The following MPHOSPH9 variants were observed in gnomAD, a reference collection of about 807,000 sequenced individuals.
MPHOSPH9 encodes the protein M-phase phosphoprotein 9.
MPHOSPH9 carries 88 observed loss-of-function variants against 145.5 expected under a neutral mutation model. The observed-to-expected ratio is 0.60, with a 90% CI of 0.51 to 0.72. The LOEUF (loss-of-function observed/expected upper bound fraction) is 0.72. MPHOSPH9 is among the 30% of genes least tolerant of loss of function. The pLI is 0.00. For missense variants in MPHOSPH9, 1,238 were observed against 1,386.6 expected (o/e 0.89, Z 1.70); for synonymous variants, 435 against 486.2 (o/e 0.89, Z 1.39).
chr12:123,176,114 T>C (rs2044851474), intron 16 of MPHOSPH9, among the ~76,000 whole-genome samples: 1 of 152,106 alleles, frequency 6.6e-6, no homozygotes, highest in South Asian at 2.1e-4. Flanking sequence ...AATGTCATTA[T>C]AAAGTTATTA....
At chr12:123,227,676 C>A in intron 2 of MPHOSPH9, 60 bp from the exon 3 acceptor site, 1 of 1,383,052 alleles carries the variant, frequency 7.2e-7, no homozygotes, top group South Asian at 1.6e-5. Context: ...TTGAATAATT[C>A]AGCAGTTCAA....
chr12:123,208,261 C>T (rs565721964), intron 8 of MPHOSPH9, among the ~76,000 whole-genome samples: 1 of 151,056 alleles, frequency 6.6e-6, no homozygotes, highest in Non-Finnish European at 1.5e-5. Context: ...GCAAATTGGC[C>T]GGGCGCAGTG....
intron 8 of MPHOSPH9, among the ~76,000 whole-genome samples, chr12:123,207,433 G>A (rs1356459323): frequency 1.3e-5 from 2 of 152,084 alleles, no homozygotes; most frequent in Non-Finnish European, 2.9e-5. Flanking sequence ...CCGTCACTGA[G>A]ACTCTGATGC....
At position 123,181,236 on chromosome 12, in the gene MPHOSPH9, A is replaced by T. The variant is rs780360912; in HGVS notation, c.2242-26T>A. 5.7e-6 allele frequency: 9 copies of T among 1,592,014 alleles called. No individual in the cohort carries two copies. The East Asian group carries it at 1.8e-4, about 32-fold the overall frequency. The stretch of plus-strand genomic sequence containing the variant: ...CTACAAGGAAAAACAAAAAAAAATT[A>T]TACCACAAAATTAAACGTTATTCTA... On this transcript the variant is annotated intron_variant, in intron 13 of 23. Transcript: ENST00000606320.
chr12:123,219,337 G>A (rs997776952), intron 5 of MPHOSPH9, among the ~76,000 whole-genome samples: 21 of 151,826 alleles, frequency 1.4e-4, no homozygotes, highest in African/African-American at 1.7e-4. Flanking sequence ...AGTGGCTCAC[G>A]CCTGTAATCC....
intron 8 of MPHOSPH9, among the ~76,000 whole-genome samples, chr12:123,203,641 A>T (rs2046309456): frequency 6.6e-6 from 1 of 152,128 alleles, no homozygotes; most frequent in South Asian, 2.1e-4. Context: ...ATACTTCCAA[A>T]TAATGAAATT....
rs1565900808 is a variant in MPHOSPH9, at chr12:123,166,477, A to T, written c.2591+178T>A. On this transcript the variant is annotated intron_variant, in intron 17 of 23. Coordinates refer to ENST00000606320, the MANE Select transcript of MPHOSPH9 (RefSeq NM_022782.4). ...GAGCACAGGTGGGGAAGCTTGGCAG[A>T]GCTCATGGAAGTAAAATATTCTAAA... 5.5e-6 allele frequency: 4 copies of T among 728,066 alleles called. No individual in the cohort carries two copies. In the East Asian group the frequency reaches 1.0e-4, roughly 19 times the overall value. 45.1% of individuals were successfully genotyped at this position (728,066 alleles called of 1,614,324 possible).
chr12:123,209,902 A>C (rs1288743950), intron 8 of MPHOSPH9, among the ~76,000 whole-genome samples, 154 bp downstream of exon 8: 2 of 151,758 alleles, frequency 1.3e-5, no homozygotes, highest in Non-Finnish European at 2.9e-5. Flanking sequence ...ACGCCCAGCT[A>C]ATTTTTTGTA....
intron 21 of MPHOSPH9, among the ~76,000 whole-genome samples, 163 bp downstream of exon 21, chr12:123,161,952 T>C (rs2044127986): frequency 1.3e-5 from 2 of 152,164 alleles, no homozygotes; most frequent in South Asian, 2.1e-4. Flanking sequence ...GATAACAACA[T>C]TGACATAACA....
At chr12:123,235,143 TCC>T (rs917139424), upstream of MPHOSPH9, among the ~76,000 whole-genome samples, 3 of 152,198 alleles carry the variant, frequency 2.0e-5, no homozygotes, top group African/African-American at 7.2e-5. Flanking sequence ...TCTGACATGC[TCC>T]CATTTAGTGA....
chr12:123,165,272 T>G, intron 18 of MPHOSPH9, 30 bp downstream of exon 18: 2 of 1,550,576 alleles, frequency 1.3e-6, no homozygotes, highest in Non-Finnish European at 1.8e-6. Flanking sequence ...GATATCTATA[T>G]CCATCTATCT....
chr12:123,187,151 C>T (rs1057429157), intron 13 of MPHOSPH9, among the ~76,000 whole-genome samples: 11 of 151,956 alleles, frequency 7.2e-5, no homozygotes, highest in African/African-American at 2.7e-4. Flanking sequence ...ATCCCAGCTA[C>T]TTGGTAGGCT....
intron 16 of MPHOSPH9, among the ~76,000 whole-genome samples, chr12:123,175,077 AT>A (rs1161759216): frequency 6.6e-6 from 1 of 152,140 alleles, no homozygotes; most frequent in Non-Finnish European, 1.5e-5. Context: ...AGGTACATTA[AT>A]AAAAATTAGA....
intron 2 of MPHOSPH9, among the ~76,000 whole-genome samples, chr12:123,229,751 A>C (rs1727333): frequency 6.6e-6 from 1 of 152,182 alleles, no homozygotes; most frequent in Admixed American, 6.5e-5. Flanking sequence ...GCAAAAGTAC[A>C]TATCTCTGAG....
chr12:123,152,438 T>G, downstream of MPHOSPH9: 1 of 381,106 alleles, frequency 2.6e-6, no homozygotes, highest in South Asian at 2.0e-5. Context: ...CAGAAACAAC[T>G]GCAGCAAGCA....
Position 123,156,879 on chromosome 12 carries a change from A to G in MPHOSPH9, c.3480T>C (p.Ile1160=). The change falls in exon 24 of 24, where the codon ATT becomes ATC. Residue 1160 remains isoleucine (I), a synonymous_variant. Coordinates refer to ENST00000606320, the MANE Select transcript of MPHOSPH9 (RefSeq NM_022782.4). ...QEALEDRLER[I]NRELGSVRMT... ...TGCGAACTGAACCCAGTTCTCGATT[A>G]ATCCTTTCCAAACGATCTTCCAAGG... The G allele has an allele frequency of 6.2e-7, 1 of 1,609,652 alleles. No homozygotes were observed. Among genetic ancestry groups the G allele is most frequent in the Non-Finnish European group, 8.5e-7 (1 of 1,176,684 alleles).
At position 123,195,910 on chromosome 12, in the gene MPHOSPH9, C is replaced by T. The variant is rs373482030; in HGVS notation, c.2026-1309G>A. Among the ~76,000 whole-genome samples the T allele has an allele frequency of 9.3e-4, 141 of 151,784 alleles. 1 individual carries two copies. The South Asian group carries it at 0.019, about 21-fold the overall frequency. On this transcript the variant is annotated intron_variant, in intron 12 of 23. Transcript: ENST00000606320. The stretch of plus-strand genomic sequence containing the variant: ...ATCAGCTGGGTGTGGTGGTGTGTGC[C>T]TATAGTCTCAACTACTCAGGAGGCT...
chr12:123,162,584 C>T (rs2044154910), intron 20 of MPHOSPH9: 1 of 182,132 alleles, frequency 5.5e-6, no homozygotes, highest in African/African-American at 2.4e-5. Flanking sequence ...AAGCAACATC[C>T]CTCCCCGCTA....
At chr12:123,209,255 A>G (rs141548583) in intron 8 of MPHOSPH9, among the ~76,000 whole-genome samples, 2 of 152,232 alleles carry the variant, frequency 1.3e-5, no homozygotes, top group African/African-American at 4.8e-5. Flanking sequence ...TTTAAGAAGC[A>G]TTGCTAAGAT....
Sources: allele counts gnomAD v4.1 joint callset (sites outside exome capture counted in the v4.1 genomes callset), GRCh38; gene constraint gnomAD v4.1.1; transcripts MANE v1.5; gene names NCBI Gene and HGNC (gene_info 2026-07-23, HGNC 2026-07-21).